Variants in PREX2 observed in about 807,000 individuals in gnomAD.
The protein encoded by PREX2 is phosphatidylinositol-3,4,5-trisphosphate dependent Rac exchange factor 2.
Under a neutral mutation model 203.2 loss-of-function variants are expected in PREX2, and 107 were observed. That is an observed-to-expected ratio of 0.53 (90% CI 0.45 to 0.62). The LOEUF is 0.62. PREX2 is among the 20% of genes least tolerant of loss of function. The pLI is 0.00. For synonymous variants in PREX2, 672 were observed against 663.6 expected (o/e 1.01, Z -0.19); for missense variants, 1,777 against 1,955.9 (o/e 0.91, Z 1.72).
chr8:67,998,041 G>T (rs1251188066), intron 1 of PREX2, among the ~76,000 whole-genome samples: 2 of 152,172 alleles, frequency 1.3e-5, no homozygotes, highest in Non-Finnish European at 2.9e-5. Flanking sequence ...CTTCTGCTGG[G>T]CTTGGGATTG....
chr8:68,051,452 C>T (rs1808525205), intron 8 of PREX2, among the ~76,000 whole-genome samples: 1 of 152,052 alleles, frequency 6.6e-6, no homozygotes, highest in African/African-American at 2.4e-5. Flanking sequence ...AAAGCTTGGG[C>T]TTGTATGTGA....
At chr8:68,098,199 A>G (rs905490278) in intron 22 of PREX2, among the ~76,000 whole-genome samples, 6 of 152,188 alleles carry the variant, frequency 3.9e-5, no homozygotes, top group African/African-American at 9.7e-5. Context: ...ATACTGCTCT[A>G]TATTCTATGA....
chr8:68,126,262 G>A (rs1810883717), intron 30 of PREX2, among the ~76,000 whole-genome samples: 1 of 151,922 alleles, frequency 6.6e-6, no homozygotes. Context: ...ACCAACTTTG[G>A]CCAGATTCAG....
At chr8:68,179,578 G>A (rs1281046141) in intron 35 of PREX2, among the ~76,000 whole-genome samples, 1 of 152,070 alleles carries the variant, frequency 6.6e-6, no homozygotes, top group African/African-American at 2.4e-5. Context: ...TTCCCATAAA[G>A]GAAAGGCTGC....
chr8:68,224,759 G>GGGTGTTTCAAGGGC, intron 39 of PREX2, 133 bp downstream of exon 39: 1 of 635,904 alleles, frequency 1.6e-6, no homozygotes, highest in Non-Finnish European at 2.8e-6. Flanking sequence ...GATTGCCCTT[G>GGGTGTTTCAAGGGC]AAACACCCAA....
intron 4 of PREX2, among the ~76,000 whole-genome samples, chr8:68,023,222 T>C (rs1193423048): frequency 6.6e-6 from 1 of 152,200 alleles, no homozygotes; most frequent in Non-Finnish European, 1.5e-5. Flanking sequence ...TATTTGTCAC[T>C]GTGGCTGTGC....
intron 37 of PREX2, among the ~76,000 whole-genome samples, chr8:68,198,430 C>G (rs570918527): frequency 6.6e-6 from 1 of 152,194 alleles, no homozygotes; most frequent in African/African-American, 2.4e-5. Flanking sequence ...TGTACCCATG[C>G]CAGTTATTGT....
rs569855100 is a variant in PREX2, at chr8:68,195,612, A to G, written c.4604+3087A>G. ...GTCCTTTAGTAATTCTAATTTAGACAGCTAGAGAGGAACCCAAGCCAGATC... is the reference window on the plus strand; with the variant it reads ...GTCCTTTAGTAATTCTAATTTAGACGGCTAGAGAGGAACCCAAGCCAGATC... On this transcript the variant is annotated intron_variant, in intron 37 of 39. Transcript: ENST00000288368. 2.6e-4 allele frequency among the ~76,000 whole-genome samples: 39 copies of G among 151,776 alleles called. No individual in the cohort carries two copies. The South Asian group carries it at 7.3e-3, about 28-fold the overall frequency.
intron 1 of PREX2, among the ~76,000 whole-genome samples, chr8:68,014,460 A>G (rs915702213): frequency 6.6e-6 from 1 of 151,952 alleles, no homozygotes; most frequent in Non-Finnish European, 1.5e-5. Context: ...GGGGGGCGGC[A>G]TATGTGAGAG....
chr8:68,027,137 T>A, intron 4 of PREX2, 85 bp from the exon 5 acceptor site: 2 of 930,134 alleles, frequency 2.2e-6, no homozygotes, highest in Middle Eastern at 2.1e-4. Context: ...ATGCTTTCAC[T>A]AGTTTTTAGC....
At position 68,080,439 on chromosome 8, in the gene PREX2, G is replaced by A. The variant is rs1809480558; in HGVS notation, c.1643-4G>A. On this transcript the variant is annotated splice_polypyrimidine_tract_variant and splice_region_variant and intron_variant, in intron 15 of 39. Coordinates refer to ENST00000288368, the MANE Select transcript of PREX2 (RefSeq NM_024870.4). ...AAATAATTTGCATCTGTCTTTTTCTGTAGTCCTTGAAAAAAGCGAATTCAA... is the reference window on the plus strand; with the variant it reads ...AAATAATTTGCATCTGTCTTTTTCTATAGTCCTTGAAAAAAGCGAATTCAA... The A allele has an allele frequency of 6.2e-7, 1 of 1,610,228 alleles. No individual in the cohort carries two copies. The highest frequency in any genetic ancestry group is 8.5e-7 in the Non-Finnish European group (1 of 1,178,838).
chr8:68,106,994 G>A (rs1810428706), intron 23 of PREX2, among the ~76,000 whole-genome samples: 1 of 152,104 alleles, frequency 6.6e-6, no homozygotes, highest in African/African-American at 2.4e-5. Flanking sequence ...CTAACTCTAT[G>A]AGACTCTTAC....
At chr8:68,203,514 G>A (rs1467896485) in intron 37 of PREX2, among the ~76,000 whole-genome samples, 1 of 152,086 alleles carries the variant, frequency 6.6e-6, no homozygotes, top group Non-Finnish European at 1.5e-5. Context: ...TGGCAGAGAA[G>A]GCTTTACAGA....
chr8:68,217,055 T>C (rs1429806195), intron 37 of PREX2, among the ~76,000 whole-genome samples: 2 of 152,066 alleles, frequency 1.3e-5, no homozygotes, highest in African/African-American at 4.8e-5. Flanking sequence ...AACACTTTTC[T>C]CAGGGCTACT....
At chr8:68,101,642 C>A (rs1383279917) in intron 23 of PREX2, among the ~76,000 whole-genome samples, 1 of 152,114 alleles carries the variant, frequency 6.6e-6, no homozygotes, top group African/African-American at 2.4e-5. Flanking sequence ...AAATGCTAAA[C>A]AAATGCAAAT....
intron 11 of PREX2, among the ~76,000 whole-genome samples, chr8:68,066,788 C>G (rs1030079280): frequency 2.0e-5 from 3 of 152,144 alleles, no homozygotes; most frequent in African/African-American, 7.2e-5. Flanking sequence ...GGGGTCCTCT[C>G]CAAAAATTAT....
At chr8:68,049,076 A>C (rs1414958366) in intron 8 of PREX2, among the ~76,000 whole-genome samples, 1 of 151,168 alleles carries the variant, frequency 6.6e-6, no homozygotes, top group Non-Finnish European at 1.5e-5. Flanking sequence ...TCAAGGGATG[A>C]ACTACTTTTT....
At chr8:68,032,096 A>G (rs1807902401) in intron 6 of PREX2, among the ~76,000 whole-genome samples, 2 of 152,166 alleles carry the variant, frequency 1.3e-5, no homozygotes, top group African/African-American at 4.8e-5. Flanking sequence ...GGAAGAATGA[A>G]TGTAGGTGGA....
rs1420146641 is a variant in PREX2, at chr8:68,109,577, C to G, written c.3100C>G (p.Gln1034Glu). Residue 1034 changes from glutamine to glutamate, a missense_variant, in exon 25 of 40, where the codon CAG becomes GAG. Coordinates refer to ENST00000288368, the MANE Select transcript of PREX2 (RefSeq NM_024870.4). The stretch of plus-strand genomic sequence containing the variant: ...CTATCAGAAACTGCTGGGCAAACTT[C>G]AGACTGCACTGAAAGAGGTGGAGAT... ...DIYQKLLGKL[Q>E]TALKEVEMCV... 6.2e-7 allele frequency: 1 copy of G among 1,614,028 alleles called. No homozygotes were observed. The highest frequency in any genetic ancestry group is 1.1e-5 in the South Asian group (1 of 91,072).
Sources: allele counts gnomAD v4.1 joint callset (sites outside exome capture counted in the v4.1 genomes callset), GRCh38; gene constraint gnomAD v4.1.1; transcripts MANE v1.5; gene names NCBI Gene and HGNC (gene_info 2026-07-23, HGNC 2026-07-21).